The following GAS2 variants were observed in gnomAD, a reference collection of about 807,000 sequenced individuals.
The protein encoded by GAS2 is growth arrest-specific protein 2.
Under a neutral mutation model 37.5 loss-of-function variants are expected in GAS2, and 20 were observed. The observed-to-expected ratio is 0.53, with a 90% CI of 0.37 to 0.77. GAS2 has a LOEUF of 0.77. Among genes scored for constraint, GAS2 ranks in the 30% least tolerant of loss-of-function variants. The probability of loss-of-function intolerance (pLI) is 0.00; values close to 1 mark genes in which losing one functional copy is unlikely to be tolerated. For synonymous variants in GAS2, 144 were observed against 132.2 expected, an observed-to-expected ratio of 1.09 and a Z score of -0.61; for missense variants, 336 against 373.4, an observed-to-expected ratio of 0.90 and a Z score of 0.82.
intron 1 of GAS2, among the ~76,000 whole-genome samples, chr11:22,640,482 A>G (rs1018141229): frequency 3.3e-4 from 50 of 152,188 alleles, no homozygotes; most frequent in Admixed American, 2.6e-4. Flanking sequence ...ATTGACATTC[A>G]CAAAATAATT....
At chr11:22,798,794 G>C (rs1379887883) in intron 7 of GAS2, among the ~76,000 whole-genome samples, 1 of 151,926 alleles carries the variant, frequency 6.6e-6, no homozygotes, top group Admixed American at 6.6e-5. Flanking sequence ...GAAAATGCTA[G>C]AATCAAGCTT....
intron 7 of GAS2, among the ~76,000 whole-genome samples, chr11:22,758,292 G>A (rs188000866): frequency 5.8e-4 from 88 of 152,224 alleles, no homozygotes; most frequent in Admixed American, 9.2e-4. Context: ...TGCAGTTCTT[G>A]CATTTCTTAA....
At chr11:22,638,834 A>T (rs757750263) in intron 1 of GAS2, among the ~76,000 whole-genome samples, 9 of 152,136 alleles carry the variant, frequency 5.9e-5, no homozygotes, top group Non-Finnish European at 1.0e-4. Context: ...TGGACTCCAC[A>T]TCTTCAGACA....
At chr11:22,658,141 T>C (rs573852776) in intron 1 of GAS2, among the ~76,000 whole-genome samples, 1 of 152,048 alleles carries the variant, frequency 6.6e-6, no homozygotes, top group South Asian at 2.1e-4. Context: ...TTCTCCTGCC[T>C]CAGCCTCTCA....
chr11:22,648,736 T>G (rs1489163109), intron 1 of GAS2, among the ~76,000 whole-genome samples: 7 of 152,256 alleles, frequency 4.6e-5, no homozygotes, highest in Admixed American at 2.0e-4. Context: ...GTCTGTTATT[T>G]GTGTATAAGA....
intron 3 of GAS2, among the ~76,000 whole-genome samples, chr11:22,718,837 A>G (rs1851811970): frequency 6.6e-6 from 1 of 151,882 alleles, no homozygotes; most frequent in South Asian, 2.1e-4. Context: ...GCAAACGATT[A>G]GTTGGGAGAA....
rs1358901318 is a variant in GAS2 at position 22,726,275 on chromosome 11, ATTTC to A, written c.268-13_268-10del. The A allele has an allele frequency of 1.9e-6, 3 of 1,583,448 alleles. No homozygotes were observed. Among genetic ancestry groups the A allele is most frequent in the Non-Finnish European group, 2.6e-6 (3 of 1,172,088 alleles). On this transcript the variant is annotated splice_polypyrimidine_tract_variant and intron_variant, in intron 3 of 7. Transcript: ENST00000454584. ...CTTTGACAGATTTCTCCTAGAACGA[ATTTC>A]TTTATTTTTCAGAATCTACCGTTGA... is the stretch of plus-strand genomic sequence containing the variant.
intron 2 of GAS2, among the ~76,000 whole-genome samples, chr11:22,683,559 G>A (rs542976102): frequency 1.3e-5 from 2 of 152,024 alleles, no homozygotes; most frequent in Non-Finnish European, 2.9e-5. Flanking sequence ...CACTGCACCC[G>A]GCCAGATTAT....
Position 22,805,122 on chromosome 11 carries a change from A to G in GAS2, c.724-6676A>G, listed in dbSNP as rs1200633546. ...TTTTTTTTTAGATCGGTCACATACC[A>G]GAAAAGCATGGAATTTTAATCTCTA... On this transcript the variant is annotated intron_variant, in intron 7 of 7. Transcript: ENST00000454584. 2.6e-5 allele frequency among the ~76,000 whole-genome samples: 4 copies of G among 152,192 alleles called. No homozygotes were observed. The East Asian group carries it at 7.7e-4, about 29-fold the overall frequency.
chr11:22,726,467 A>G (rs1852223325), intron 4 of GAS2, 34 bp downstream of exon 4: 5 of 1,576,422 alleles, frequency 3.2e-6, no homozygotes, highest in East Asian at 2.3e-5. Flanking sequence ...AGTTGATAAG[A>G]TACGCAAATT....
chr11:22,780,620 T>C (rs1157095682), intron 7 of GAS2, among the ~76,000 whole-genome samples: 2 of 149,530 alleles, frequency 1.3e-5, no homozygotes, highest in East Asian at 3.9e-4. Flanking sequence ...AATCAAGCAG[T>C]AGTTACTTAA....
chr11:22,652,913 G>C (rs1848802801), intron 1 of GAS2, among the ~76,000 whole-genome samples: 1 of 151,760 alleles, frequency 6.6e-6, no homozygotes, highest in Non-Finnish European at 1.5e-5. Flanking sequence ...CTGTAGACCG[G>C]AGCGGTTCCT....
At chr11:22,768,419 C>T (rs894010623) in intron 7 of GAS2, among the ~76,000 whole-genome samples, 3 of 152,314 alleles carry the variant, frequency 2.0e-5, no homozygotes, top group East Asian at 1.9e-4. Context: ...ACATCACTAT[C>T]TCTTTTACAC....
At chr11:22,755,771 G>A (rs376592737) in intron 6 of GAS2, 75 bp from the exon 7 acceptor site, 79 of 999,428 alleles carry the variant, frequency 7.9e-5, no homozygotes, top group African/African-American at 2.6e-4. Context: ...TTCAGGGGCC[G>A]TGGAGTCCTT....
chr11:22,775,686 AC>A (rs933764549), intron 7 of GAS2, among the ~76,000 whole-genome samples: 5 of 152,066 alleles, frequency 3.3e-5, no homozygotes, highest in African/African-American at 1.2e-4. Flanking sequence ...TAAAAAAAAA[AC>A]CTCCGGGTAA....
intron 3 of GAS2, among the ~76,000 whole-genome samples, chr11:22,692,239 A>T (rs1400765616): frequency 6.6e-6 from 1 of 152,142 alleles, no homozygotes; most frequent in Non-Finnish European, 1.5e-5. Flanking sequence ...ACTTATCTAG[A>T]TCTTCATGTC....
In GAS2 at chr11:22,755,935, A is replaced by G; in HGVS notation, c.705A>G (p.Glu235=). ...RLSQGRYRVG[E]KILFIRMLHN... ...CCCAAGGAAGATACCGAGTGGGAGA[A>G]AAGATCCTCTTCATTAGGGTAAAGT... Residue 235 remains glutamate, a synonymous_variant, in exon 7 of 8, where the codon GAA becomes GAG. Transcript: ENST00000454584. 6.2e-7 allele frequency: 1 copy of G among 1,610,348 alleles called. No individual in the cohort carries two copies. The highest frequency in any genetic ancestry group is 1.7e-5 in the Admixed American group (1 of 59,882).
At chr11:22,725,608 G>A (rs1019667831) in intron 3 of GAS2, among the ~76,000 whole-genome samples, 1 of 151,984 alleles carries the variant, frequency 6.6e-6, no homozygotes, top group African/African-American at 2.4e-5. Context: ...ACTTTTATTT[G>A]TAGAGATAGG....
chr11:22,712,213 A>G (rs1441696892), intron 3 of GAS2, among the ~76,000 whole-genome samples: 1 of 152,202 alleles, frequency 6.6e-6, no homozygotes, highest in Non-Finnish European at 1.5e-5. Flanking sequence ...TGTCCACATG[A>G]CAACTTCACT....
Sources: gnomAD v4.1 joint callset for allele counts (sites outside exome capture counted in the v4.1 genomes callset) on GRCh38, gnomAD v4.1.1 for gene constraint, MANE v1.5 for transcripts, NCBI Gene and HGNC (gene_info 2026-07-23, HGNC 2026-07-21) for gene names.